SMYD3: variants seen among roughly 807,000 people sequenced by gnomAD.
The protein encoded by SMYD3 is SET and MYND domain containing 3.
Under a neutral mutation model 57.7 loss-of-function variants are expected in SMYD3, and 36 were observed. The observed-to-expected ratio is 0.62, with a 90% CI of 0.48 to 0.82. The LOEUF is 0.82. Among genes scored for constraint, SMYD3 ranks in the 40% least tolerant of loss-of-function variants. SMYD3 has a pLI of 0.00. For missense variants in SMYD3, 515 were observed against 538.8 expected (o/e 0.96, Z 0.44); for synonymous variants, 211 against 195.0 (o/e 1.08, Z -0.68).
At chr1:245,976,010 C>T (rs868837005) in intron 5 of SMYD3, among the ~76,000 whole-genome samples, 1 of 13,890 alleles carries the variant, frequency 7.2e-5, no homozygotes, top group South Asian at 5.5e-3. Flanking sequence ...GGAAAGCCAT[C>T]GTCTCTAGCC....
chr1:245,797,035 G>A (rs1158229575), intron 10 of SMYD3, among the ~76,000 whole-genome samples: 1 of 152,122 alleles, frequency 6.6e-6, no homozygotes, highest in Non-Finnish European at 1.5e-5. Context: ...GGCTATAGAG[G>A]AAATTGCTTC....
At position 245,852,859 on chromosome 1, in the gene SMYD3, T is replaced by C. The variant is rs1572514083; in HGVS notation, c.1076+5637A>G. 2.6e-5 allele frequency among the ~76,000 whole-genome samples: 4 copies of C among 152,234 alleles called. No individual in the cohort carries two copies. The South Asian group carries it at 6.2e-4, about 24-fold the overall frequency. On this transcript the variant is annotated intron_variant, in intron 10 of 11. Coordinates refer to ENST00000490107, the MANE Select transcript of SMYD3 (RefSeq NM_001167740.2). ...ACGGCCCCAGTGTCCCAGTAAGAAA[T>C]AAACCTTACAAAATGGACAGCAAAC... is the stretch of plus-strand genomic sequence containing the variant.
intron 5 of SMYD3, among the ~76,000 whole-genome samples, chr1:246,210,486 G>A (rs1475673183): frequency 6.6e-6 from 1 of 151,988 alleles, no homozygotes; most frequent in African/African-American, 2.4e-5. Flanking sequence ...GAGGTGGGTG[G>A]TTCACCTGAG....
intron 5 of SMYD3, among the ~76,000 whole-genome samples, chr1:246,293,154 C>T (rs932646682): frequency 2.0e-5 from 3 of 151,946 alleles, no homozygotes; most frequent in Admixed American, 6.6e-5. Flanking sequence ...CCCCAAACTA[C>T]ATCATATCAC....
chr1:246,489,363 T>A (rs2068235218), intron 1 of SMYD3, among the ~76,000 whole-genome samples: 1 of 151,914 alleles, frequency 6.6e-6, no homozygotes, highest in African/African-American at 2.4e-5. Flanking sequence ...AAAAAAATAA[T>A]AAAAGAAAAA....
intron 5 of SMYD3, among the ~76,000 whole-genome samples, chr1:246,300,058 A>G (rs2064866693): frequency 6.6e-6 from 1 of 150,652 alleles, no homozygotes; most frequent in South Asian, 2.1e-4. Context: ...ACATGTTCAT[A>G]CAATGGAATA....
intron 3 of SMYD3, among the ~76,000 whole-genome samples, chr1:246,331,576 A>AT (rs35766026): frequency 0.15 from 23,332 of 152,098 alleles, 2,271 homozygotes; most frequent in East Asian, 0.43. Flanking sequence ...AAAAGAACAA[A>AT]TTTTTTTGTC....
chr1:245,834,670 C>G (rs2050015836), intron 10 of SMYD3, among the ~76,000 whole-genome samples: 1 of 152,188 alleles, frequency 6.6e-6, no homozygotes, highest in Admixed American at 6.5e-5. Flanking sequence ...CCCAGTGGAG[C>G]AATCTTCCTG....
intron 5 of SMYD3, among the ~76,000 whole-genome samples, chr1:245,990,545 A>G (rs1307654513): frequency 6.6e-6 from 1 of 152,202 alleles, no homozygotes; most frequent in Non-Finnish European, 1.5e-5. Context: ...ACAAACTAGG[A>G]GTAGATTTGT....
chr1:246,116,757 T>C (rs2061348354), intron 5 of SMYD3, among the ~76,000 whole-genome samples: 1 of 152,146 alleles, frequency 6.6e-6, no homozygotes, highest in Non-Finnish European at 1.5e-5. Context: ...TACAGAAAAA[T>C]AGTATTGCTT....
At chr1:246,138,343 C>T (rs1174943738) in intron 5 of SMYD3, among the ~76,000 whole-genome samples, 3 of 151,790 alleles carry the variant, frequency 2.0e-5, no homozygotes, top group Non-Finnish European at 4.4e-5. Flanking sequence ...AAATAAAGCC[C>T]GAACTGAAAA....
intron 10 of SMYD3, among the ~76,000 whole-genome samples, chr1:245,808,423 C>A (rs903358351): frequency 4.6e-5 from 7 of 152,322 alleles, no homozygotes; most frequent in Admixed American, 1.3e-4. Context: ...TCACACAAGG[C>A]TCCAACAAAA....
chr1:246,478,780 C>T (rs1355224967), intron 1 of SMYD3, among the ~76,000 whole-genome samples: 1 of 21,848 alleles, frequency 4.6e-5, no homozygotes, highest in Non-Finnish European at 1.1e-4. Context: ...TATATGTACA[C>T]CTGTCCTCCG....
chr1:246,003,760 C>G (rs1436314766), intron 5 of SMYD3, among the ~76,000 whole-genome samples: 1 of 152,198 alleles, frequency 6.6e-6, no homozygotes, highest in African/African-American at 2.4e-5. Flanking sequence ...ATATAAATAT[C>G]TCACACATCT....
chr1:246,198,396 T>A (rs900428599), intron 5 of SMYD3, among the ~76,000 whole-genome samples: 1 of 152,236 alleles, frequency 6.6e-6, no homozygotes, highest in African/African-American at 2.4e-5. Context: ...TTTCTAATAT[T>A]CAAATGAGCT....
intron 5 of SMYD3, among the ~76,000 whole-genome samples, chr1:245,980,089 A>G (rs548930062): frequency 1.1e-4 from 16 of 152,054 alleles, no homozygotes; most frequent in Non-Finnish European, 1.5e-4. Flanking sequence ...TCGGCCTCAC[A>G]GATGAGGATG....
chr1:246,448,044 C>A (rs1056114250), intron 1 of SMYD3, among the ~76,000 whole-genome samples: 3 of 152,140 alleles, frequency 2.0e-5, no homozygotes, highest in Non-Finnish European at 4.4e-5. Flanking sequence ...GCATATGATT[C>A]CTATTAAGAA....
At chr1:246,183,123 C>A (rs1214626911) in intron 5 of SMYD3, among the ~76,000 whole-genome samples, 1 of 152,040 alleles carries the variant, frequency 6.6e-6, no homozygotes, top group African/African-American at 2.4e-5. Flanking sequence ...GAGTCCAGAA[C>A]CAAGGACAGG....
At position 245,844,982 on chromosome 1, in the gene SMYD3, T is replaced by C. The variant is rs114131886; in HGVS notation, c.1076+13514A>G. On this transcript the variant is annotated intron_variant, in intron 10 of 11. Transcript: ENST00000490107. ...CTAGAAAAATTTCTCCAGCCTATTA[T>C]TGAATTTTACTTCCAAATGAAGACT... is the stretch of plus-strand genomic sequence containing the variant. Among the ~76,000 whole-genome samples the C allele has an allele frequency of 5.3e-3, 808 of 152,332 alleles. 5 individuals are homozygous for C. Among genetic ancestry groups the C allele is most frequent in the African/African-American group, 0.018 (764 of 41,576 alleles).
Sources: allele counts gnomAD v4.1 joint callset (sites outside exome capture counted in the v4.1 genomes callset), GRCh38; gene constraint gnomAD v4.1.1; transcripts MANE v1.5; gene names NCBI Gene and HGNC (gene_info 2026-07-23, HGNC 2026-07-21).